The following FHIT variants were observed in gnomAD, a reference collection of about 807,000 sequenced individuals.
The protein encoded by FHIT is fragile histidine triad diadenosine triphosphatase.
FHIT carries 19 observed loss-of-function variants against 17.9 expected under a neutral mutation model. The observed-to-expected ratio is 1.06, with a 90% CI of 0.74 to 1.56. The LOEUF (loss-of-function observed/expected upper bound fraction) is 1.56, where lower values mean the gene tolerates loss of function less well. Ranked by LOEUF, FHIT falls within the 40% of genes most tolerant of loss-of-function variation. The pLI, the probability that FHIT is intolerant of heterozygous loss-of-function variation, is 0.00. For missense variants in FHIT, 248 were observed against 189.2 expected, an observed-to-expected ratio of 1.31 and a Z score of -1.82; for synonymous variants, 81 against 69.7, an observed-to-expected ratio of 1.16 and a Z score of -0.81.
At chr3:61,212,658 A>T (rs1047987844) in intron 1 of FHIT, among the ~76,000 whole-genome samples, 10 of 152,342 alleles carry the variant, frequency 6.6e-5, no homozygotes, top group African/African-American at 2.4e-4. Context: ...AGAACGCCAC[A>T]AAGATACTCC....
chr3:60,977,789 T>G (rs1710326344), intron 3 of FHIT, among the ~76,000 whole-genome samples: 1 of 152,160 alleles, frequency 6.6e-6, no homozygotes, highest in South Asian at 2.1e-4. Context: ...GAGAATCACT[T>G]GAACCCAGGA....
chr3:60,100,444 C>T (rs1341544042), intron 5 of FHIT, among the ~76,000 whole-genome samples: 2 of 152,072 alleles, frequency 1.3e-5, no homozygotes, highest in Non-Finnish European at 2.9e-5. Context: ...ATGGTACAAA[C>T]AAAATCACTT....
At chr3:60,362,569 C>T (rs1168210104) in intron 5 of FHIT, among the ~76,000 whole-genome samples, 1 of 152,142 alleles carries the variant, frequency 6.6e-6, no homozygotes, top group African/African-American at 2.4e-5. Flanking sequence ...CAGTGTCTGC[C>T]ACTTAAGCAT....
intron 3 of FHIT, among the ~76,000 whole-genome samples, chr3:60,846,736 T>C (rs1553746608): frequency 6.6e-6 from 1 of 152,236 alleles, no homozygotes; most frequent in East Asian, 1.9e-4. Flanking sequence ...ACAGGGCTTA[T>C]TCCACTGTTT....
chr3:60,268,859 C>T (rs540036570), intron 5 of FHIT, among the ~76,000 whole-genome samples: 1 of 151,602 alleles, frequency 6.6e-6, no homozygotes, highest in Admixed American at 6.6e-5. Context: ...CTAGGTGGGC[C>T]CAACATAATC....
chr3:60,531,345 C>G (rs953644153), intron 5 of FHIT, among the ~76,000 whole-genome samples: 1 of 133,438 alleles, frequency 7.5e-6, no homozygotes, highest in Non-Finnish European at 1.5e-5. Flanking sequence ...GTGGTGCGAT[C>G]TAGGCTCACT....
intron 4 of FHIT, among the ~76,000 whole-genome samples, chr3:60,621,315 C>T (rs1559590036): frequency 6.6e-6 from 1 of 151,696 alleles, no homozygotes; most frequent in African/African-American, 2.4e-5. Context: ...CGCCTAGCTA[C>T]TTTTTTGTAT....
intron 5 of FHIT, among the ~76,000 whole-genome samples, chr3:60,125,475 TACAGAAATAAGCC>T (rs1304510245): frequency 3.3e-5 from 5 of 151,766 alleles, no homozygotes; most frequent in Admixed American, 3.3e-4. Flanking sequence ...CTACTAAAAA[TACAGAAATAAGCC>T]AGGTGTGGTG....
chr3:61,197,803 A>T (rs2038896391), intron 2 of FHIT, among the ~76,000 whole-genome samples: 1 of 152,182 alleles, frequency 6.6e-6, no homozygotes, highest in African/African-American at 2.4e-5. Flanking sequence ...TGACACAAAG[A>T]GACCAGGGCC....
chr3:59,870,645 T>C (rs1423551822), intron 8 of FHIT, among the ~76,000 whole-genome samples: 1 of 152,108 alleles, frequency 6.6e-6, no homozygotes, highest in Non-Finnish European at 1.5e-5. Context: ...AAATAACTAA[T>C]CTCTTGTTGC....
At chr3:60,952,480 G>A (rs1708931803) in intron 3 of FHIT, among the ~76,000 whole-genome samples, 1 of 152,154 alleles carries the variant, frequency 6.6e-6, no homozygotes, top group Admixed American at 6.5e-5. Context: ...CAGAATCTCA[G>A]TACTATTCCA....
chr3:60,847,922 C>T (rs1230854096), intron 3 of FHIT, among the ~76,000 whole-genome samples: 6 of 152,142 alleles, frequency 3.9e-5, no homozygotes, highest in South Asian at 2.1e-4. Context: ...TTATCCTTGA[C>T]ATATGTAGAG....
intron 5 of FHIT, among the ~76,000 whole-genome samples, chr3:60,475,386 A>G (rs1015454705): frequency 6.6e-6 from 1 of 152,238 alleles, no homozygotes; most frequent in African/African-American, 2.4e-5. Flanking sequence ...AGTGATAAAC[A>G]TTAATCTCAA....
At chr3:60,971,467 G>A (rs1229571760) in intron 3 of FHIT, among the ~76,000 whole-genome samples, 1 of 151,862 alleles carries the variant, frequency 6.6e-6, no homozygotes, top group East Asian at 1.9e-4. Flanking sequence ...TCTGCATACT[G>A]TGATTGGTTT....
At chr3:60,197,053 C>T (rs546269054) in intron 5 of FHIT, among the ~76,000 whole-genome samples, 5 of 152,228 alleles carry the variant, frequency 3.3e-5, no homozygotes, top group African/African-American at 4.8e-5. Flanking sequence ...CTTTTCAAGT[C>T]GGTGTTCCCC....
chr3:60,120,038 C>G (rs535196835), intron 5 of FHIT, among the ~76,000 whole-genome samples: 50 of 152,300 alleles, frequency 3.3e-4, no homozygotes, highest in African/African-American at 1.2e-3. Flanking sequence ...CTGAAGCTTA[C>G]GGCACTGTTA....
rs147394217 is a variant in FHIT at position 60,789,235 on chromosome 3, G to A, written c.-18+32684C>T. 6.0e-3 allele frequency among the ~76,000 whole-genome samples: 914 copies of A among 151,290 alleles called. 5 individuals carry two copies. Among genetic ancestry groups the A allele is most frequent in the African/African-American group, 0.021 (881 of 41,166 alleles). On this transcript the variant is annotated intron_variant, in intron 4 of 9. Transcript: ENST00000492590. Reference sequence around the variant, plus strand: ...GAGAGAGCACAACAAGAATACGAAGGTTGGCCAGGTGCTGTGGCTCAAGCC... The same window carrying A: ...GAGAGAGCACAACAAGAATACGAAGATTGGCCAGGTGCTGTGGCTCAAGCC...
intron 4 of FHIT, among the ~76,000 whole-genome samples, chr3:60,751,208 G>A (rs889058645): frequency 1.3e-5 from 2 of 152,126 alleles, no homozygotes; most frequent in African/African-American, 2.4e-5. Context: ...AATAACTACT[G>A]GCTTTATTAC....
At chr3:61,149,611 C>T (rs2037326096) in intron 2 of FHIT, among the ~76,000 whole-genome samples, 1 of 152,114 alleles carries the variant, frequency 6.6e-6, no homozygotes, top group Non-Finnish European at 1.5e-5. Flanking sequence ...GGTGCCATGA[C>T]TCACACCTGT....
Sources: allele counts gnomAD v4.1 joint callset (sites outside exome capture counted in the v4.1 genomes callset), GRCh38; gene constraint gnomAD v4.1.1; transcripts MANE v1.5; gene names NCBI Gene and HGNC (gene_info 2026-07-23, HGNC 2026-07-21).